The following MCM8 variants were observed in gnomAD, a reference collection of about 807,000 sequenced individuals.
MCM8 encodes the protein DNA helicase MCM8.
Under a neutral mutation model 98.9 loss-of-function variants are expected in MCM8, and 85 were observed. The ratio of observed to expected loss-of-function variants is 0.86; its 90% confidence interval spans 0.72 to 1.03. The LOEUF is 1.03. Among genes scored for constraint, MCM8 ranks in the 50% least tolerant of loss-of-function variants. The pLI is 0.00. For synonymous variants in MCM8, 352 were observed against 338.6 expected (o/e 1.04, Z -0.44); for missense variants, 951 against 997.8 (o/e 0.95, Z 0.63).
chr20:5,957,675 T>TA (rs2089023398), intron 6 of MCM8, among the ~76,000 whole-genome samples: 1 of 152,236 alleles, frequency 6.6e-6, no homozygotes, highest in Non-Finnish European at 1.5e-5. Context: ...TTGCAAATAT[T>TA]TGGAAGTCCA....
At chr20:5,967,793 A>T in intron 9 of MCM8, 37 bp from the exon 10 acceptor site, 1 of 1,529,606 alleles carries the variant, frequency 6.5e-7, no homozygotes, top group Non-Finnish European at 8.9e-7. Flanking sequence ...GGAAAATGAA[A>T]ATACCAACTA....
chr20:5,967,932 G>A lies in MCM8; in HGVS notation c.1130G>A (p.Cys377Tyr). ...GQKTKSSEDGCKHGMLMEFSL... is the reference protein window; with the variant it reads ...GQKTKSSEDGYKHGMLMEFSL... ...AAAACAAAGAGTTCTGAGGATGGGT[G>A]TAAGCATGGAATGTTGATGGAGTTC... The change falls in exon 10 of 19, where the codon TGT becomes TAT. Residue 377 changes from cysteine to tyrosine, a missense_variant. Coordinates refer to ENST00000610722, the MANE Select transcript of MCM8 (RefSeq NM_032485.6). 6.2e-7 allele frequency: 1 copy of A among 1,614,116 alleles called. No homozygotes were observed. The highest frequency in any genetic ancestry group is 8.5e-7 in the Non-Finnish European group (1 of 1,179,962).
intron 3 of MCM8, among the ~76,000 whole-genome samples, 177 bp from the exon 4 acceptor site, chr20:5,954,431 A>T (rs1321743664): frequency 6.6e-6 from 1 of 152,222 alleles, no homozygotes; most frequent in Non-Finnish European, 1.5e-5. Flanking sequence ...ATGCAAACCT[A>T]AATTTGTTTT....
chr20:5,988,352 CT>C (rs1361991092), intron 17 of MCM8, among the ~76,000 whole-genome samples: 1 of 151,984 alleles, frequency 6.6e-6, no homozygotes, highest in Non-Finnish European at 1.5e-5. Flanking sequence ...ATCTCAGTTA[CT>C]TGGGAGGCTG....
At chr20:5,965,763 G>A (rs1228737666) in intron 8 of MCM8, among the ~76,000 whole-genome samples, 1 of 122,868 alleles carries the variant, frequency 8.1e-6, no homozygotes, top group Non-Finnish European at 2.0e-5. Flanking sequence ...GTTTCTAAGT[G>A]CTGGTTTTAC....
chr20:5,952,053 G>A lies in MCM8; in HGVS notation c.38G>A (p.Gly13Glu), dbSNP rs2088842607. Residue 13 changes from glycine (G) to glutamate (E), a missense_variant, in exon 2 of 19, where the codon GGA becomes GAA. Transcript: ENST00000610722. The stretch of plus-strand genomic sequence containing the variant: ...TATAGAGGCAGAGGATTTGGACGAG[G>A]AAGATTTCAAAGCTGGAAAAGGGGA... ...GEYRGRGFGRGRFQSWKRGRG... is the reference protein window; with the variant it reads ...GEYRGRGFGRERFQSWKRGRG... 6.2e-7 allele frequency: 1 copy of A among 1,613,976 alleles called. No individual in the cohort carries two copies. The highest frequency in any genetic ancestry group is 8.5e-7 in the Non-Finnish European group (1 of 1,180,002).
At chr20:5,977,603 C>G (rs2089539148) in intron 12 of MCM8, among the ~76,000 whole-genome samples, 2 of 152,150 alleles carry the variant, frequency 1.3e-5, no homozygotes, top group Admixed American at 1.3e-4. Context: ...TTTATATGAC[C>G]ACAGACTTCA....
intron 12 of MCM8, among the ~76,000 whole-genome samples, chr20:5,975,591 G>T (rs1262150636): frequency 6.6e-6 from 1 of 151,302 alleles, no homozygotes; most frequent in Non-Finnish European, 1.5e-5. Context: ...CCGCCTCCCG[G>T]GTTCACGCCA....
intron 3 of MCM8, 52 bp downstream of exon 3, chr20:5,952,580 G>C: frequency 7.1e-7 from 1 of 1,414,856 alleles, no homozygotes; most frequent in East Asian, 2.3e-5. Flanking sequence ...TTCTTAACTT[G>C]TCTTTGGATG....
chr20:5,972,572 T>TGG (rs1403533268), intron 11 of MCM8: 1 of 348,688 alleles, frequency 2.9e-6, no homozygotes, highest in East Asian at 9.2e-5. Flanking sequence ...TTTATTTTTT[T>TGG]GAGATGGAGT....
intron 14 of MCM8, among the ~76,000 whole-genome samples, chr20:5,984,574 A>T (rs940785900): frequency 6.6e-6 from 1 of 152,162 alleles, no homozygotes; most frequent in African/African-American, 2.4e-5. Flanking sequence ...TCCTCAACCT[A>T]CCCAGGGTAG....
intron 5 of MCM8, 94 bp downstream of exon 5, chr20:5,955,345 G>A: frequency 1.7e-6 from 2 of 1,196,950 alleles, no homozygotes; most frequent in Non-Finnish European, 2.4e-6. Flanking sequence ...AGATTTTACA[G>A]TGACTGTACT....
intron 12 of MCM8, 68 bp from the exon 13 acceptor site, chr20:5,977,808 A>C: frequency 6.4e-7 from 1 of 1,556,782 alleles, no homozygotes; most frequent in Non-Finnish European, 8.8e-7. Context: ...AACGTTTGTG[A>C]GCAACTGCTG....
In MCM8 at chr20:5,967,866, T is replaced by A; in HGVS notation, c.1064T>A (p.Leu355Ter). ...RNKNDKCMFL[L>*]YIEANSISNS... ...AAGAATGACAAGTGTATGTTCCTTTTGTATATTGAAGCAAATTCTATTAGT... is the reference window on the plus strand; with the variant it reads ...AAGAATGACAAGTGTATGTTCCTTTAGTATATTGAAGCAAATTCTATTAGT... Residue 355 changes from leucine to a stop codon, truncating the protein, a stop_gained, in exon 10 of 19, where the codon TTG becomes TAG. Coordinates refer to ENST00000610722, the MANE Select transcript of MCM8 (RefSeq NM_032485.6). LOFTEE classifies it high-confidence loss of function. 1 of 1,612,954 alleles carries A rather than the reference T, an allele frequency of 6.2e-7. No individual in the cohort carries two copies. The highest frequency in any genetic ancestry group is 8.5e-7 in the Non-Finnish European group (1 of 1,179,422).
intron 3 of MCM8, 41 bp from the exon 4 acceptor site, chr20:5,954,567 C>T: frequency 8.8e-7 from 1 of 1,133,842 alleles, no homozygotes; most frequent in Non-Finnish European, 1.3e-6. Context: ...GTGCATGTAC[C>T]TGTGTGATTA....
intron 10 of MCM8, among the ~76,000 whole-genome samples, chr20:5,969,341 C>T (rs1330229563): frequency 2.0e-5 from 3 of 152,168 alleles, no homozygotes; most frequent in Non-Finnish European, 2.9e-5. Flanking sequence ...CCCGTAATCC[C>T]AGCACTTTGG....
rs148865040 is a variant in MCM8, at chr20:5,958,375, C to G, written c.591-153C>G. Among the ~76,000 whole-genome samples the G allele has an allele frequency of 3.9e-5, 6 of 152,216 alleles. No homozygotes were observed. In the East Asian group the frequency reaches 9.6e-4, roughly 24 times the overall value. ...AGAGCGAGACTCCATCTCAAGAAAA[C>G]AAAACACAACAAGAATGGTTTAATT... On this transcript the variant is annotated intron_variant, in intron 6 of 18. Coordinates refer to ENST00000610722, the MANE Select transcript of MCM8 (RefSeq NM_032485.6).
chr20:5,986,020 A>T lies in MCM8; in HGVS notation c.2052A>T (p.Glu684Asp), dbSNP rs898013430. The change falls in exon 16 of 19, where the codon GAA becomes GAT. Residue 684 changes from glutamate to aspartate, a missense_variant. By Grantham distance (45) the Glu-to-Asp change is conservative (BLOSUM62 2). Transcript: ENST00000610722. ...ATGTGTACCCAAGGCTATCCACAGA[A>T]GCTGCTCGAGTTCTTCAAGATTTTT... is the stretch of plus-strand genomic sequence containing the variant. Reference protein sequence around the residue: ...RQYVYPRLSTEAARVLQDFYL... With the variant: ...RQYVYPRLSTDAARVLQDFYL... The T allele has an allele frequency of 1.2e-6, 2 of 1,614,108 alleles. No homozygotes were observed. Among genetic ancestry groups the T allele is most frequent in the Non-Finnish European group, 1.7e-6 (2 of 1,180,042 alleles).
intron 11 of MCM8, chr20:5,972,600 G>T: frequency 2.3e-6 from 1 of 432,516 alleles, no homozygotes; most frequent in Non-Finnish European, 4.5e-6. Context: ...TGTCGCCCAG[G>T]CTAGAGTACA....
Sources: gnomAD v4.1 joint callset for allele counts (sites outside exome capture counted in the v4.1 genomes callset) on GRCh38, gnomAD v4.1.1 for gene constraint, MANE v1.5 for transcripts, NCBI Gene and HGNC (gene_info 2026-07-23, HGNC 2026-07-21) for gene names.